Variants in TRPC4AP observed in about 807,000 individuals in gnomAD.
The protein encoded by TRPC4AP is transient receptor potential cation channel subfamily C member 4 associated protein.
TRPC4AP carries 45 observed loss-of-function variants against 99.0 expected under a neutral mutation model. The ratio of observed to expected loss-of-function variants is 0.45; its 90% CI spans 0.36 to 0.58. The LOEUF is 0.58. TRPC4AP is among the 20% of genes least tolerant of loss of function. The pLI, the probability that TRPC4AP is intolerant of heterozygous loss-of-function variation, is 0.00. For synonymous variants in TRPC4AP, 408 were observed against 385.8 expected (o/e 1.06, Z -0.67); for missense variants, 879 against 985.3 (o/e 0.89, Z 1.44).
intron 3 of TRPC4AP, among the ~76,000 whole-genome samples, chr20:35,065,564 T>C (rs763920748): frequency 6.9e-4 from 105 of 152,194 alleles, no homozygotes; most frequent in Non-Finnish European, 1.4e-3. Context: ...GTTTGGAAAA[T>C]ACTACCAGCA....
At chr20:35,056,973 G>A (rs1443781760) in intron 4 of TRPC4AP, among the ~76,000 whole-genome samples, 1 of 55,484 alleles carries the variant, frequency 1.8e-5, no homozygotes, top group Admixed American at 2.9e-4. Context: ...GCAACAGAGC[G>A]AGAGACTGTC....
In TRPC4AP at chr20:35,016,091, A is replaced by T. The variant is rs2082748104; in HGVS notation, c.1267T>A (p.Leu423Met). Residue 423 changes from leucine to methionine, a missense_variant, in exon 10 of 19, where the codon TTG becomes ATG. Physicochemically the swap from Leu to Met is conservative, Grantham distance 15. Transcript: ENST00000252015. ...TTCCTCCAAATCAGTTTGTCAAACA[A>T]ATTATTAAGTCCAGGGATCAGCTTG... ...EFKLIPGLNN[L>M]FDKLIWRKHS... The T allele has an allele frequency of 2.5e-6, 4 of 1,614,200 alleles. No homozygotes were observed. The highest frequency in any genetic ancestry group is 3.4e-6 in the Non-Finnish European group (4 of 1,180,040).
At chr20:35,058,687 CTTTTT>C (rs71196781) in intron 3 of TRPC4AP, among the ~76,000 whole-genome samples, 5 of 110,366 alleles carry the variant, frequency 4.5e-5, no homozygotes, top group Admixed American at 1.1e-4. Context: ...AAAGAAAATT[CTTTTT>C]TTTTTTTTTT....
intron 1 of TRPC4AP, among the ~76,000 whole-genome samples, chr20:35,081,541 AAAAAT>A (rs913042187): frequency 7.9e-5 from 12 of 151,802 alleles, no homozygotes; most frequent in East Asian, 1.9e-4. Flanking sequence ...AAAATAAAAT[AAAAAT>A]AAAATAAAAT....
chr20:35,060,508 T>C (rs1182922158), intron 3 of TRPC4AP, among the ~76,000 whole-genome samples: 1 of 147,408 alleles, frequency 6.8e-6, no homozygotes, highest in Non-Finnish European at 1.5e-5. Flanking sequence ...GGAGGCTCGC[T>C]TGAGCCCAGG....
chr20:35,005,415 G>C (rs1006196874), intron 16 of TRPC4AP, among the ~76,000 whole-genome samples: 1 of 152,374 alleles, frequency 6.6e-6, no homozygotes. Flanking sequence ...CACTGAGGAC[G>C]AGGGGGCCAA....
intron 1 of TRPC4AP, among the ~76,000 whole-genome samples, chr20:35,089,602 G>A (rs568396061): frequency 6.6e-6 from 1 of 152,240 alleles, no homozygotes; most frequent in East Asian, 1.9e-4. Flanking sequence ...TGTAATCCCA[G>A]CACTTTGGGA....
rs554067666 is a variant in TRPC4AP at position 35,021,232 on chromosome 20, G to C, written c.1176C>G (p.Leu392=). The C allele has an allele frequency of 5.6e-6, 9 of 1,614,120 alleles. No homozygotes were observed. The highest frequency in any genetic ancestry group is 3.3e-5 in the South Asian group (3 of 91,070). Residue 392 remains leucine (L), a synonymous_variant, in exon 9 of 19, where the codon CTC becomes CTG. Coordinates refer to ENST00000252015, the MANE Select transcript of TRPC4AP (RefSeq NM_015638.3). ...MHEIMYKLEV[L]YVLCVLLMGR... ...CCATCAGCAGCACGCAGAGGACATA[G>C]AGCACTTCCAGTTTGTACATGATCT...
At chr20:35,042,178 G>A (rs1022061464) in intron 7 of TRPC4AP, among the ~76,000 whole-genome samples, 4 of 152,154 alleles carry the variant, frequency 2.6e-5, no homozygotes, top group East Asian at 1.9e-4. Context: ...GAAGAAAACC[G>A]TACACAGACC....
chr20:35,080,458 G>A (rs191263399), intron 1 of TRPC4AP, among the ~76,000 whole-genome samples: 65 of 145,874 alleles, frequency 4.5e-4, no homozygotes, highest in Admixed American at 4.2e-3. Flanking sequence ...CCAAGACTGC[G>A]CCACTGCACT....
At chr20:35,084,552 G>A (rs988305904) in intron 1 of TRPC4AP, among the ~76,000 whole-genome samples, 1 of 138,660 alleles carries the variant, frequency 7.2e-6, no homozygotes, top group African/African-American at 2.6e-5. Flanking sequence ...ATGTATATAT[G>A]TTTATATGCA....
At chr20:35,017,044 T>A (rs1450716875) in intron 9 of TRPC4AP, among the ~76,000 whole-genome samples, 1 of 152,144 alleles carries the variant, frequency 6.6e-6, no homozygotes, top group Admixed American at 6.6e-5. Flanking sequence ...AATTCCACTT[T>A]AGGAATTTAC....
chr20:35,011,618 TGTG>T (rs1264134651), intron 11 of TRPC4AP, among the ~76,000 whole-genome samples: 4 of 63,054 alleles, frequency 6.3e-5, no homozygotes, highest in Non-Finnish European at 1.4e-4. Flanking sequence ...AATCCAGGCC[TGTG>T]ACTGTGACCC....
At position 35,035,132 on chromosome 20, in the gene TRPC4AP, G is replaced by A; in HGVS notation, c.1042C>T (p.His348Tyr). 9.9e-6 allele frequency: 16 copies of A among 1,613,734 alleles called. No individual in the cohort carries two copies. Among genetic ancestry groups the A allele is most frequent in the Non-Finnish European group, 1.4e-5 (16 of 1,179,798 alleles). Residue 348 changes from histidine to tyrosine, a missense_variant, in exon 8 of 19, where the codon CAC becomes TAC. By Grantham distance (83) the His-to-Tyr change is moderately conservative. Transcript: ENST00000252015. ...ACCCATCCTTCCATACCTTGATTGT[G>A]CTCTGACTCCTCATTGGCCACTCGC... ...LMRVANEESEHNQASIVFPPP... is the reference protein window; with the variant it reads ...LMRVANEESEYNQASIVFPPP...
intron 2 of TRPC4AP, among the ~76,000 whole-genome samples, chr20:35,075,985 CTT>C (rs1247659144): frequency 6.6e-6 from 1 of 152,146 alleles, no homozygotes; most frequent in Non-Finnish European, 1.5e-5. Flanking sequence ...CTAAACTTCT[CTT>C]CTCGCTTCAT....
At chr20:35,079,860 T>A (rs78374088) in intron 1 of TRPC4AP, among the ~76,000 whole-genome samples, 163 of 144,488 alleles carry the variant, frequency 1.1e-3, no homozygotes, top group East Asian at 8.9e-3. Flanking sequence ...CTACTAAAAA[T>A]AAAAAAAAAA....
chr20:35,005,329 T>C (rs1238770288), intron 16 of TRPC4AP, among the ~76,000 whole-genome samples: 4 of 152,234 alleles, frequency 2.6e-5, no homozygotes, highest in Admixed American at 2.0e-4. Flanking sequence ...CGCATACACA[T>C]GGAAGTGCGT....
At chr20:35,077,583 T>C (rs747484762) in intron 2 of TRPC4AP, among the ~76,000 whole-genome samples, 1 of 152,178 alleles carries the variant, frequency 6.6e-6, no homozygotes, top group Non-Finnish European at 1.5e-5. Flanking sequence ...TGAGAACAAT[T>C]ATCCTAGCAT....
intron 14 of TRPC4AP, 70 bp from the exon 15 acceptor site, chr20:35,006,645 A>G: frequency 6.4e-7 from 1 of 1,568,746 alleles, no homozygotes; most frequent in African/African-American, 1.3e-5. Context: ...TGGAGCTCAG[A>G]CCATGCATTG....
Sources: allele counts gnomAD v4.1 joint callset (sites outside exome capture counted in the v4.1 genomes callset), GRCh38; gene constraint gnomAD v4.1.1; transcripts MANE v1.5; gene names NCBI Gene and HGNC (gene_info 2026-07-23, HGNC 2026-07-21).